ZC3H12B: variants seen among roughly 807,000 people sequenced by gnomAD.
ZC3H12B encodes zinc finger CCCH-type containing 12B.
ZC3H12B carries 7 observed loss-of-function variants against 43.9 expected under a neutral mutation model. The observed-to-expected ratio is 0.16, with a 90% CI of 0.09 to 0.30. The LOEUF is 0.30. Among genes scored for constraint, ZC3H12B ranks in the 10% least tolerant of loss-of-function variants. The pLI is 1.00. For missense variants in ZC3H12B, 475 were observed against 670.2 expected (o/e 0.71, Z 3.22); for synonymous variants, 222 against 241.7 (o/e 0.92, Z 0.76).
exon 5 of ZC3H12B, chrX:65,503,265 C>T: frequency 1.1e-6 from 1 of 921,428 alleles, no homozygotes; most frequent in Non-Finnish European, 1.5e-6. Context: ...TAATAATACA[C>T]TAATACAATA....
chrX:65,386,939 C>T (rs1291875050), intron 2 of ZC3H12B, among the ~76,000 whole-genome samples: 1 of 111,525 alleles, frequency 9.0e-6, no homozygotes, highest in Non-Finnish European at 1.9e-5. Flanking sequence ...GTTCAGTTTC[C>T]ATGTAGTTGA....
chrX:65,097,309 A>T, the ZC3H12B span, among the ~76,000 whole-genome samples: 1 of 111,634 alleles, frequency 9.0e-6, no homozygotes, highest in African/African-American at 3.3e-5. Flanking sequence ...TGGCATTACT[A>T]GTTTTATTGG....
chrX:65,303,564 A>T, the ZC3H12B span, among the ~76,000 whole-genome samples: 2 of 111,908 alleles, frequency 1.8e-5, no homozygotes, highest in South Asian at 3.7e-4. Context: ...TGAAAATTAT[A>T]TAGCTAGTAC....
At chrX:65,231,656 C>T in the ZC3H12B span, among the ~76,000 whole-genome samples, 1 of 111,190 alleles carries the variant, frequency 9.0e-6, no homozygotes, top group African/African-American at 3.3e-5. Context: ...GCACATCCAT[C>T]TATAGGTTTT....
intron 3 of ZC3H12B, among the ~76,000 whole-genome samples, chrX:65,401,180 A>T (rs1157372358): frequency 9.0e-6 from 1 of 111,112 alleles, no homozygotes; most frequent in Non-Finnish European, 1.9e-5. Context: ...CACTGAAGAG[A>T]TAGAAAAAAC....
intron 2 of ZC3H12B, among the ~76,000 whole-genome samples, chrX:65,374,581 G>GA (rs2066318729): frequency 9.1e-6 from 1 of 109,863 alleles, no homozygotes; most frequent in Non-Finnish European, 1.9e-5. Context: ...TTCATAAGAA[G>GA]AAAAAATCAG....
chrX:65,207,181 C>G, the ZC3H12B span, among the ~76,000 whole-genome samples: 1 of 107,094 alleles, frequency 9.3e-6, no homozygotes, highest in Non-Finnish European at 1.9e-5. Flanking sequence ...AAAAAGAAGT[C>G]ATTATACAAA....
At chrX:65,261,944 T>C in the ZC3H12B span, among the ~76,000 whole-genome samples, 2 of 110,750 alleles carry the variant, frequency 1.8e-5, no homozygotes, top group African/African-American at 6.5e-5. Context: ...TCCCTAAATA[T>C]AATTTAGTAT....
chrX:65,400,801 A>C (rs778695629), intron 3 of ZC3H12B, among the ~76,000 whole-genome samples: 1 of 111,844 alleles, frequency 8.9e-6, no homozygotes, highest in Non-Finnish European at 1.9e-5. Context: ...AATTTACCTA[A>C]TCTGGATAAT....
At chrX:65,134,355 G>A in the ZC3H12B span, among the ~76,000 whole-genome samples, 2 of 111,052 alleles carry the variant, frequency 1.8e-5, no homozygotes, top group African/African-American at 6.6e-5. Context: ...TCAGGCAGGC[G>A]TCCCTGCAGT....
Position 65,384,088 on chromosome X carries a change from G to T in ZC3H12B, n.296-14505G>T, listed in dbSNP as rs1314912212. On this transcript the variant is annotated intron_variant and non_coding_transcript_variant, in intron 2 of 5. Coordinates refer to the ZC3H12B transcript ENST00000617377. ...TGCACACGTATGTTTATTGCGGCAT[G>T]ATTCACAATAGCAAAGACTTGGAAC... Among the ~76,000 whole-genome samples, 334 of 101,446 alleles carry T rather than the reference G, an allele frequency of 3.3e-3. 1 individual carries two copies. Among genetic ancestry groups the T allele is most frequent in the Non-Finnish European group, 5.7e-3 (283 of 49,713 alleles). 88.1% of individuals were successfully genotyped at this position (101,446 alleles called of 115,157 possible).
chrX:65,218,755 G>A, the ZC3H12B span, among the ~76,000 whole-genome samples: 1 of 111,347 alleles, frequency 9.0e-6, no homozygotes, highest in African/African-American at 3.3e-5. Flanking sequence ...AAAAGAAAAA[G>A]GACATATCTC....
chrX:65,144,481 C>T, the ZC3H12B span, among the ~76,000 whole-genome samples: 25,898 of 110,716 alleles, frequency 0.23, 7,252 homozygotes, highest in African/African-American at 0.81. Flanking sequence ...ACTCCTGCTC[C>T]GATCTTGGTT....
chrX:65,397,684 G>A (rs2066716889), intron 2 of ZC3H12B, among the ~76,000 whole-genome samples: 1 of 111,048 alleles, frequency 9.0e-6, no homozygotes, highest in Non-Finnish European at 1.9e-5. Context: ...ATACTGAATG[G>A]GGAAAACCTG....
exon 5 of ZC3H12B, chrX:65,502,728 A>G: frequency 8.3e-7 from 1 of 1,210,468 alleles, no homozygotes; most frequent in Non-Finnish European, 1.1e-6. Flanking sequence ...TGTCCTGCAG[A>G]CTACCCCATG....
chrX:65,043,087 A>G, the ZC3H12B span, among the ~76,000 whole-genome samples: 3 of 111,579 alleles, frequency 2.7e-5, no homozygotes, highest in Non-Finnish European at 5.7e-5. Flanking sequence ...AGGTTGGGCT[A>G]TATGTCCAGC....
chrX:65,248,582 A>T, the ZC3H12B span, among the ~76,000 whole-genome samples: 1 of 111,771 alleles, frequency 8.9e-6, no homozygotes, highest in African/African-American at 3.3e-5. Context: ...CTCTGCTCTC[A>T]TGGAGACTAC....
the ZC3H12B span, among the ~76,000 whole-genome samples, chrX:65,285,437 A>G: frequency 9.0e-6 from 1 of 110,807 alleles, no homozygotes; most frequent in Non-Finnish European, 1.9e-5. Context: ...TCTAAAGTAA[A>G]AGTTTAAAAA....
At chrX:65,290,603 C>A in the ZC3H12B span, among the ~76,000 whole-genome samples, 3 of 111,203 alleles carry the variant, frequency 2.7e-5, no homozygotes, top group African/African-American at 9.8e-5. Flanking sequence ...TGGATTCAAC[C>A]CAAGTATTCC....
Sources: allele counts gnomAD v4.1 joint callset (sites outside exome capture counted in the v4.1 genomes callset), GRCh38; gene constraint gnomAD v4.1.1; transcripts MANE v1.5; gene names NCBI Gene and HGNC (gene_info 2026-07-23, HGNC 2026-07-21).